TBPL1: variants seen among roughly 807,000 people sequenced by gnomAD.
The protein encoded by TBPL1 is TATA-box binding protein like 1.
A neutral mutation model predicts 22.1 loss-of-function variants in TBPL1; 4 were observed. That is an observed-to-expected ratio of 0.18 (90% confidence interval 0.09 to 0.41). The LOEUF (loss-of-function observed/expected upper bound fraction) is 0.41, where lower values mean the gene tolerates loss of function less well. Among genes scored for constraint, TBPL1 ranks in the 10% least tolerant of loss-of-function variants. The pLI is 1.00. For synonymous variants in TBPL1, 64 were observed against 71.0 expected (o/e 0.90, Z 0.50); for missense variants, 115 against 222.3 (o/e 0.52, Z 3.07).
chr6:133,986,311 T>G (rs1325361219), intron 6 of TBPL1, among the ~76,000 whole-genome samples: 2 of 152,242 alleles, frequency 1.3e-5, no homozygotes, highest in Non-Finnish European at 2.9e-5. Context: ...TGTCCTTTTT[T>G]ATGTTTCTTT....
intron 6 of TBPL1, among the ~76,000 whole-genome samples, chr6:133,985,152 G>A (rs9493786): frequency 0.13 from 20,198 of 150,382 alleles, 1,811 homozygotes; most frequent in African/African-American, 0.26. Flanking sequence ...GGTGGTGAAC[G>A]CCTGTAGTCC....
At chr6:133,962,791 A>T (rs1776046931) in intron 1 of TBPL1, among the ~76,000 whole-genome samples, 1 of 152,224 alleles carries the variant, frequency 6.6e-6, no homozygotes, top group Non-Finnish European at 1.5e-5. Flanking sequence ...TGGCCTTCTC[A>T]GGTACAGATT....
rs145556741 is a variant in TBPL1, at chr6:133,961,320, C to T, written c.-45+7895C>T. ...AAATTAAACAGTTATCTTCAAGGAG[C>T]TTGGTGTCTGCAGTTCAGTAGACAC... is the stretch of plus-strand genomic sequence containing the variant. On this transcript the variant is annotated intron_variant, in intron 1 of 6. Coordinates refer to ENST00000237264, the MANE Select transcript of TBPL1 (RefSeq NM_004865.4). Among the ~76,000 whole-genome samples, 1,311 of 152,226 alleles carry T rather than the reference C, an allele frequency of 8.6e-3. 17 individuals are homozygous for T. Among genetic ancestry groups the T allele is most frequent in the Non-Finnish European group, 0.011 (759 of 68,022 alleles).
chr6:133,963,048 T>C (rs1238851487), intron 1 of TBPL1, among the ~76,000 whole-genome samples: 1 of 152,232 alleles, frequency 6.6e-6, no homozygotes, highest in Non-Finnish European at 1.5e-5. Flanking sequence ...AAGTGTGCCA[T>C]TGAATTCAGC....
chr6:133,984,323 T>TTTTG (rs763307548), intron 4 of TBPL1, 53 bp from the exon 5 acceptor site: 1 of 1,402,700 alleles, frequency 7.1e-7, no homozygotes, highest in Non-Finnish European at 9.8e-7. Context: ...TGAGCAGATT[T>TTTTG]TTTGTTTGTT....
At chr6:133,979,071 C>T (rs575851960) in intron 1 of TBPL1, among the ~76,000 whole-genome samples, 1 of 152,092 alleles carries the variant, frequency 6.6e-6, no homozygotes, top group Non-Finnish European at 1.5e-5. Context: ...ATAGGAGTCT[C>T]GGCAAATACA....
chr6:133,965,216 A>G (rs1464956789), intron 1 of TBPL1, among the ~76,000 whole-genome samples: 1 of 152,238 alleles, frequency 6.6e-6, no homozygotes, highest in Non-Finnish European at 1.5e-5. Context: ...CACTTACAGT[A>G]GCTTAGGACA....
At chr6:133,972,910 A>G (rs1369512573) in intron 1 of TBPL1, among the ~76,000 whole-genome samples, 2 of 152,174 alleles carry the variant, frequency 1.3e-5, no homozygotes, top group African/African-American at 4.8e-5. Flanking sequence ...TCACCAATTT[A>G]TAGATGAGAA....
chr6:133,982,295 T>A (rs554242762), intron 2 of TBPL1, among the ~76,000 whole-genome samples: 18 of 152,330 alleles, frequency 1.2e-4, no homozygotes, highest in African/African-American at 4.3e-4. Context: ...GAGAGTTGAA[T>A]TGTTTATATA....
chr6:133,986,397 C>T (rs577768776), intron 6 of TBPL1, among the ~76,000 whole-genome samples: 12 of 152,214 alleles, frequency 7.9e-5, no homozygotes, highest in Admixed American at 2.6e-4. Flanking sequence ...ACCTCGTAGC[C>T]TTGTGCTTTT....
intron 1 of TBPL1, among the ~76,000 whole-genome samples, chr6:133,975,254 T>C (rs906533460): frequency 6.6e-6 from 1 of 152,162 alleles, no homozygotes; most frequent in Non-Finnish European, 1.5e-5. Flanking sequence ...ACAGAGACTT[T>C]AAAAGATTAT....
chr6:133,975,740 A>G (rs1474659092), intron 1 of TBPL1, among the ~76,000 whole-genome samples: 2 of 152,348 alleles, frequency 1.3e-5, no homozygotes, highest in Non-Finnish European at 1.5e-5. Flanking sequence ...AGAGAAATAT[A>G]TGAGAATGAT....
At chr6:133,959,818 A>T (rs1775990219) in intron 1 of TBPL1, among the ~76,000 whole-genome samples, 1 of 152,200 alleles carries the variant, frequency 6.6e-6, no homozygotes, top group African/African-American at 2.4e-5. Context: ...TTTTTCAGGG[A>T]CAGATGTTGC....
At position 133,982,657 on chromosome 6, in the gene TBPL1, G is replaced by A. The variant is rs1371374263; in HGVS notation, c.218+7G>A. 3 of 1,608,590 alleles carry A rather than the reference G, an allele frequency of 1.9e-6. No individual in the cohort carries two copies. Among genetic ancestry groups the A allele is most frequent in the Non-Finnish European group, 2.5e-6 (3 of 1,178,320 alleles). ...TTTGCACTGGAGCAACAAGGTAAAT[G>A]CTACTTGGGTTTTTTGTTTTTATTT... On this transcript the variant is annotated splice_region_variant and intron_variant, in intron 3 of 6. Coordinates refer to ENST00000237264, the MANE Select transcript of TBPL1 (RefSeq NM_004865.4).
chr6:133,952,284 C>CG (rs1775844769), upstream of TBPL1: 1 of 152,316 alleles, frequency 6.6e-6, no homozygotes, highest in Admixed American at 6.5e-5. The surrounding 1 kb of genome is among the most constrained non-coding windows in gnomAD (Gnocchi z 4.5). Context: ...TGTGCGCCCC[C>CG]GGGGTCCCCC....
At chr6:133,967,477 A>T (rs2114345024) in intron 1 of TBPL1, among the ~76,000 whole-genome samples, 1 of 152,356 alleles carries the variant, frequency 6.6e-6, no homozygotes, top group Non-Finnish European at 1.5e-5. Context: ...TGCATCGCTT[A>T]ATGACAAGGA....
chr6:133,956,346 G>A (rs967558216), intron 1 of TBPL1, among the ~76,000 whole-genome samples: 1 of 152,192 alleles, frequency 6.6e-6, no homozygotes, highest in Non-Finnish European at 1.5e-5. Flanking sequence ...TGCCGTGTCA[G>A]GTGTGCAAAG....
At chr6:133,961,176 C>A (rs1275832808) in intron 1 of TBPL1, among the ~76,000 whole-genome samples, 1 of 152,124 alleles carries the variant, frequency 6.6e-6, no homozygotes, top group Non-Finnish European at 1.5e-5. Flanking sequence ...ACTTACCTGC[C>A]CCCAACCCCA....
At chr6:133,969,761 A>G (rs940818909) in intron 1 of TBPL1, among the ~76,000 whole-genome samples, 2 of 152,200 alleles carry the variant, frequency 1.3e-5, no homozygotes, top group African/African-American at 4.8e-5. Flanking sequence ...ACCTTAGTGC[A>G]TCTAACTCTC....
Sources: allele counts gnomAD v4.1 joint callset (sites outside exome capture counted in the v4.1 genomes callset), GRCh38; gene constraint gnomAD v4.1.1; non-coding constraint Gnocchi (gnomAD v3.1); transcripts MANE v1.5; gene names NCBI Gene and HGNC (gene_info 2026-07-23, HGNC 2026-07-21).